The following TESPA1 variants were observed in gnomAD, a reference collection of about 807,000 sequenced individuals.
The protein encoded by TESPA1 is thymocyte expressed, positive selection associated 1.
Under a neutral mutation model 57.9 loss-of-function variants are expected in TESPA1, and 33 were observed. The ratio of observed to expected loss-of-function variants is 0.57; its 90% CI spans 0.43 to 0.76. TESPA1 has a LOEUF of 0.76. Ranked by LOEUF, TESPA1 falls within the 30% of genes least tolerant of loss-of-function variation. The pLI is 0.00. For missense variants in TESPA1, 618 were observed against 632.9 expected, an observed-to-expected ratio of 0.98 and a Z score of 0.25; for synonymous variants, 227 against 228.9, an observed-to-expected ratio of 0.99 and a Z score of 0.07.
chr12:54,960,988 G>C (rs1423598650), intron 10 of TESPA1, among the ~76,000 whole-genome samples, 180 bp downstream of exon 10: 4 of 152,042 alleles, frequency 2.6e-5, no homozygotes, highest in African/African-American at 9.7e-5. Flanking sequence ...GATCTAGAGA[G>C]GTATTTTCCA....
At chr12:54,977,298 GC>G (rs1443155877) in intron 1 of TESPA1, among the ~76,000 whole-genome samples, 1 of 152,040 alleles carries the variant, frequency 6.6e-6, no homozygotes, top group Non-Finnish European at 1.5e-5. Flanking sequence ...CCTCATAGGA[GC>G]CCAGTGCCTT....
At chr12:54,961,927 C>T (rs997170809) in intron 9 of TESPA1, among the ~76,000 whole-genome samples, 1 of 152,250 alleles carries the variant, frequency 6.6e-6, no homozygotes, top group African/African-American at 2.4e-5. Flanking sequence ...TAGGACAGGT[C>T]TGGGCACTGG....
intron 9 of TESPA1, among the ~76,000 whole-genome samples, 195 bp downstream of exon 9, chr12:54,962,236 G>C (rs769253095): frequency 1.3e-5 from 2 of 152,130 alleles, no homozygotes; most frequent in Non-Finnish European, 2.9e-5. Context: ...CTGAAAACTC[G>C]ACTGCTCTTA....
In TESPA1 at chr12:54,966,481, G is replaced by A. The variant is rs1592370716; in HGVS notation, c.311-57C>T. The A allele has an allele frequency of 3.1e-6, 5 of 1,587,836 alleles. No homozygotes were observed. In the East Asian group the frequency reaches 8.9e-5, roughly 28 times the overall value. On this transcript the variant is annotated intron_variant, in intron 5 of 10. Transcript: ENST00000449076. ...TTAGAAGGGAAAATGAAAATCACCTGTGTTGCCCCTCTGAACCTAAAACTC... is the reference window on the plus strand; with the variant it reads ...TTAGAAGGGAAAATGAAAATCACCTATGTTGCCCCTCTGAACCTAAAACTC...
intron 1 of TESPA1, among the ~76,000 whole-genome samples, chr12:54,984,372 G>C (rs1014128128): frequency 2.0e-5 from 3 of 152,172 alleles, no homozygotes; most frequent in African/African-American, 7.2e-5. Context: ...ATAATAAAGA[G>C]AAAACAAACA....
intron 4 of TESPA1, 124 bp downstream of exon 4, chr12:54,967,719 G>A: frequency 3.4e-6 from 4 of 1,166,164 alleles, no homozygotes; most frequent in East Asian, 2.5e-5. Flanking sequence ...GCCAGTTTAA[G>A]AACACTCAGG....
At chr12:54,961,125 T>C (rs987373859) in intron 10 of TESPA1, 43 bp downstream of exon 10, 3 of 1,603,882 alleles carry the variant, frequency 1.9e-6, no homozygotes, top group East Asian at 2.2e-5. Context: ...TTGATTACAA[T>C]GTGCAGCCAG....
At chr12:54,968,030 A>C in intron 3 of TESPA1, 138 bp from the exon 4 acceptor site, 1 of 1,530,622 alleles carries the variant, frequency 6.5e-7, no homozygotes, top group Non-Finnish European at 8.8e-7. Flanking sequence ...TGTTGGAGAA[A>C]ACAAAGACAG....
At chr12:54,961,545 G>A (rs1410558986) in intron 9 of TESPA1, among the ~76,000 whole-genome samples, 1 of 152,212 alleles carries the variant, frequency 6.6e-6, no homozygotes, top group East Asian at 1.9e-4. Flanking sequence ...AACACTTCAT[G>A]GAAGTATCTT....
chr12:54,978,788 T>A (rs1011428893), intron 1 of TESPA1, among the ~76,000 whole-genome samples: 1 of 152,250 alleles, frequency 6.6e-6, no homozygotes, highest in Non-Finnish European at 1.5e-5. Flanking sequence ...AAGGGCCTAC[T>A]TAAGTCATCT....
rs370590552 is a variant in TESPA1 at position 54,969,021 on chromosome 12, G to GTGTGTGTATATATATAT, written c.207-1130_207-1129insATATATATATACACACA. Among the ~76,000 whole-genome samples the GTGTGTGTATATATATAT allele has an allele frequency of 1.2e-4, 10 of 83,674 alleles. No homozygotes were observed. The South Asian group carries it at 7.4e-3, about 62-fold the overall frequency. 54.9% of individuals were successfully genotyped at this position (83,674 alleles called of 152,430 possible). A position where few individuals can be genotyped will look rare whatever the true frequency, so the allele number is the denominator to read the frequency against. The stretch of plus-strand genomic sequence containing the variant: ...AATAAGTCACTACATATTTATATAT[G>GTGTGTGTATATATATAT]TATATATATATATATATATATATAT... On this transcript the variant is annotated intron_variant, in intron 3 of 10. Coordinates refer to ENST00000449076, the MANE Select transcript of TESPA1 (RefSeq NM_001136030.3).
intron 2 of TESPA1, 41 bp downstream of exon 2, chr12:54,974,359 C>T (rs760686919): frequency 2.0e-5 from 30 of 1,517,668 alleles, no homozygotes; most frequent in East Asian, 9.7e-5. Flanking sequence ...CACCTTTTGC[C>T]GCCAGACAAC....
chr12:54,974,371 T>TA lies in TESPA1; in HGVS notation c.163+28dup, dbSNP rs773393478. 45 of 1,553,158 alleles carry TA rather than the reference T, an allele frequency of 2.9e-5. No individual in the cohort carries two copies. In the African/African-American group the frequency reaches 5.3e-4, roughly 18 times the overall value. On this transcript the variant is annotated intron_variant, in intron 2 of 10. Coordinates refer to ENST00000449076, the MANE Select transcript of TESPA1 (RefSeq NM_001136030.3). Reference sequence around the variant, plus strand: ...TGTCACCTTTTGCCGCCAGACAACATAGACGCCTGTCTGATGTTCGTCTCT... The same window carrying TA: ...TGTCACCTTTTGCCGCCAGACAACATAAGACGCCTGTCTGATGTTCGTCTCT...
intron 1 of TESPA1, among the ~76,000 whole-genome samples, chr12:54,982,579 G>GA (rs553158498): frequency 6.6e-6 from 1 of 151,902 alleles, no homozygotes; most frequent in East Asian, 1.9e-4. Context: ...TGTGGATTTG[G>GA]AAAAAAAATT....
rs546926870 is a variant in TESPA1, at chr12:54,969,207, C to A, written c.207-1315G>T. 2.6e-5 allele frequency among the ~76,000 whole-genome samples: 4 copies of A among 151,312 alleles called. No homozygotes were observed. In the South Asian group the frequency reaches 8.4e-4, roughly 32 times the overall value. On this transcript the variant is annotated intron_variant, in intron 3 of 10. Coordinates refer to ENST00000449076, the MANE Select transcript of TESPA1 (RefSeq NM_001136030.3). ...TAAAATATGAAATAATAGGCAAGCTCATTAAGAATAGGTAACTCTAATAAT... is the reference window on the plus strand; with the variant it reads ...TAAAATATGAAATAATAGGCAAGCTAATTAAGAATAGGTAACTCTAATAAT...
chr12:54,970,693 C>G (rs1049941506), intron 3 of TESPA1, among the ~76,000 whole-genome samples: 1 of 152,162 alleles, frequency 6.6e-6, no homozygotes, highest in Non-Finnish European at 1.5e-5. Flanking sequence ...TAGTTGCTCC[C>G]CTTTTCCCAC....
intron 1 of TESPA1, among the ~76,000 whole-genome samples, chr12:54,978,920 C>A (rs959512870): frequency 3.9e-5 from 6 of 152,214 alleles, no homozygotes; most frequent in Admixed American, 3.9e-4. Context: ...CTAAACCCAT[C>A]ATAGAACATA....
intron 7 of TESPA1, among the ~76,000 whole-genome samples, 185 bp from the exon 8 acceptor site, chr12:54,964,135 A>G (rs1190346550): frequency 6.6e-6 from 1 of 152,238 alleles, no homozygotes; most frequent in Non-Finnish European, 1.5e-5. Flanking sequence ...GGAAACATGG[A>G]AACTACAATC....
chr12:54,968,116 G>A (rs1245246536), intron 3 of TESPA1: 2 of 1,117,524 alleles, frequency 1.8e-6, no homozygotes, highest in East Asian at 5.7e-5. Flanking sequence ...TTTAGATTGT[G>A]CTTCTGTTGT....
Sources: allele counts gnomAD v4.1 joint callset (sites outside exome capture counted in the v4.1 genomes callset), GRCh38; gene constraint gnomAD v4.1.1; transcripts MANE v1.5; gene names NCBI Gene and HGNC (gene_info 2026-07-23, HGNC 2026-07-21).